The following GPT2 variants were observed in gnomAD, a reference collection of about 807,000 sequenced individuals.
The protein encoded by GPT2 is glutamic--pyruvic transaminase 2.
GPT2 carries 30 observed loss-of-function variants against 56.9 expected under a neutral mutation model. That is an observed-to-expected ratio of 0.53 (90% CI 0.39 to 0.72). GPT2 has a LOEUF of 0.72. Ranked by LOEUF, GPT2 falls within the 30% of genes least tolerant of loss-of-function variation. The pLI is 0.00. For missense variants in GPT2, 542 were observed against 703.4 expected, an observed-to-expected ratio of 0.77 and a Z score of 2.60; for synonymous variants, 271 against 283.1, an observed-to-expected ratio of 0.96 and a Z score of 0.43.
Position 46,929,057 on chromosome 16 carries a change from C to T in GPT2, c.*60C>T. 4.6e-6 allele frequency: 6 copies of T among 1,313,424 alleles called. No individual in the cohort carries two copies. The highest frequency in any genetic ancestry group is 6.6e-6 in the Non-Finnish European group (6 of 908,530). The allele number at this position is 1,313,424 out of a possible 1,614,324, so 81.4% of individuals were successfully genotyped here. Reference sequence around the variant, plus strand: ...GCTCTTCCTCCCAATGCCCGTCAGGCTGAACTCGCCTCCCCCGTGACTCTG... The same window carrying T: ...GCTCTTCCTCCCAATGCCCGTCAGGTTGAACTCGCCTCCCCCGTGACTCTG... On this transcript the variant is annotated 3_prime_UTR_variant, in exon 12 of 12. Transcript: ENST00000340124.
intron 10 of GPT2, among the ~76,000 whole-genome samples, chr16:46,925,317 G>T (rs1961384864): frequency 6.6e-6 from 1 of 152,034 alleles, no homozygotes; most frequent in African/African-American, 2.4e-5. Context: ...GGCCTCCCGG[G>T]TTCGCTCCAT....
chr16:46,900,628 TG>T, intron 3 of GPT2, 53 bp from the exon 4 acceptor site: 1 of 1,407,986 alleles, frequency 7.1e-7, no homozygotes, highest in Non-Finnish European at 1.0e-6. Flanking sequence ...GTGCTCCTCC[TG>T]GAGCTCTAGG....
chr16:46,909,382 C>T (rs1010825706), intron 5 of GPT2, among the ~76,000 whole-genome samples: 1 of 152,020 alleles, frequency 6.6e-6, no homozygotes, highest in African/African-American at 2.4e-5. Context: ...AACTCTTGGC[C>T]TCAAGCGATT....
At chr16:46,906,740 C>T in intron 4 of GPT2, 102 bp from the exon 5 acceptor site, 4 of 1,488,382 alleles carry the variant, frequency 2.7e-6, no homozygotes, top group Non-Finnish European at 2.8e-6. Flanking sequence ...CCGAGACCCT[C>T]ACCCCAAACA....
chr16:46,907,536 G>A (rs1003418320), intron 5 of GPT2, among the ~76,000 whole-genome samples: 2 of 152,208 alleles, frequency 1.3e-5, no homozygotes, highest in African/African-American at 4.8e-5. Context: ...ACTGGGAGAG[G>A]GGGTGTGCTC....
intron 9 of GPT2, 77 bp downstream of exon 9, chr16:46,922,493 C>A: frequency 2.8e-6 from 4 of 1,409,490 alleles, no homozygotes; most frequent in South Asian, 1.4e-5. Flanking sequence ...GCCAGCCTGT[C>A]TCCAGGTGGC....
Position 46,906,848 on chromosome 16 carries a change from A to G in GPT2, c.449A>G (p.Tyr150Cys), listed in dbSNP as rs764779165. ...QACGGNSLGS[Y>C]SASQGVNCIR... Reference sequence around the variant, plus strand: ...CTTGCCTGCTGTCTTACAGGGTCCTACAGTGCTAGCCAGGGTGTCAACTGC... The same window carrying G: ...CTTGCCTGCTGTCTTACAGGGTCCTGCAGTGCTAGCCAGGGTGTCAACTGC... The change falls in exon 5 of 12, where the codon TAC becomes TGC. Residue 150 changes from tyrosine (Y) to cysteine (C), a missense_variant. Tyr to Cys is a radical substitution (Grantham distance 194, BLOSUM62 -2). Transcript: ENST00000340124. The G allele has an allele frequency of 6.2e-7, 1 of 1,614,152 alleles. No individual in the cohort carries two copies. The highest frequency in any genetic ancestry group is 8.5e-7 in the Non-Finnish European group (1 of 1,180,020).
At position 46,909,826 on chromosome 16, in the gene GPT2, G is replaced by A. The variant is rs758411453; in HGVS notation, c.719G>A (p.Cys240Tyr). 1 of 1,614,082 alleles carries A rather than the reference G, an allele frequency of 6.2e-7. No individual in the cohort carries two copies. The highest frequency in any genetic ancestry group is 1.3e-5 in the African/African-American group (1 of 74,928). The stretch of plus-strand genomic sequence containing the variant: ...AATTACTACCTGGACGAGGAGAACT[G>A]CTGGGCGCTGAATGTGAATGAGCTC... The part of the protein sequence containing the change: ...QVNYYLDEEN[C>Y]WALNVNELRR... Residue 240 changes from cysteine (C) to tyrosine (Y), a missense_variant, in exon 6 of 12, where the codon TGC (cysteine) becomes TAC (tyrosine). Transcript: ENST00000340124.
intron 5 of GPT2, 136 bp from the exon 6 acceptor site, chr16:46,909,548 G>C (rs1373349072): frequency 3.1e-6 from 3 of 957,914 alleles, no homozygotes; most frequent in East Asian, 5.1e-5. Flanking sequence ...TTTTACAGAT[G>C]AGGAAACTGA....
intron 6 of GPT2, among the ~76,000 whole-genome samples, chr16:46,915,047 A>G (rs1382840007): frequency 6.6e-6 from 1 of 152,082 alleles, no homozygotes; most frequent in African/African-American, 2.4e-5. Context: ...CCTCCCAAGT[A>G]GCTGGGACTA....
At chr16:46,924,169 G>A (rs1203510177) in intron 9 of GPT2, 3 of 619,578 alleles carry the variant, frequency 4.8e-6, no homozygotes, top group Non-Finnish European at 8.9e-6. Context: ...AGTGTCGAAG[G>A]AACAGACCAC....
In GPT2 at chr16:46,922,832, A is replaced by C. The variant is rs553613803; in HGVS notation, c.1212+416A>C. 2.9e-4 allele frequency among the ~76,000 whole-genome samples: 44 copies of C among 152,332 alleles called. No individual in the cohort carries two copies. In the South Asian group the frequency reaches 7.9e-3, roughly 27 times the overall value. On this transcript the variant is annotated intron_variant, in intron 9 of 11. Coordinates refer to ENST00000340124, the MANE Select transcript of GPT2 (RefSeq NM_133443.4). Reference sequence around the variant, plus strand: ...CTTGACAGGGTCCTCCAGCTCTGACAGCTTTGACCAGTTCAAACAAAGGAA... The same window carrying C: ...CTTGACAGGGTCCTCCAGCTCTGACCGCTTTGACCAGTTCAAACAAAGGAA...
At chr16:46,911,741 T>C (rs1961050717) in intron 6 of GPT2, among the ~76,000 whole-genome samples, 1 of 152,148 alleles carries the variant, frequency 6.6e-6, no homozygotes. Context: ...TTTGCATCTC[T>C]AACAAATTCC....
At chr16:46,897,121 G>A (rs976297407) in intron 2 of GPT2, among the ~76,000 whole-genome samples, 1 of 152,166 alleles carries the variant, frequency 6.6e-6, no homozygotes, top group African/African-American at 2.4e-5. Context: ...AATGGCTCAC[G>A]CCTGTAATCC....
chr16:46,909,606 C>CA, intron 5 of GPT2, 78 bp from the exon 6 acceptor site: 1 of 1,519,690 alleles, frequency 6.6e-7, no homozygotes, highest in Non-Finnish European at 9.0e-7. Flanking sequence ...TGGAGGCATG[C>CA]AGTGGGGCCA....
At chr16:46,928,858 C>T (rs974709040) in intron 11 of GPT2, 49 bp from the exon 12 acceptor site, 1 of 1,418,246 alleles carries the variant, frequency 7.1e-7, no homozygotes, top group Non-Finnish European at 1.0e-6. Context: ...ATTCGTTCCT[C>T]TCCCATCTTG....
chr16:46,889,173 G>A (rs1046219410), intron 2 of GPT2, among the ~76,000 whole-genome samples: 6 of 150,050 alleles, frequency 4.0e-5, no homozygotes, highest in South Asian at 2.1e-4. Context: ...ACCACAAGGC[G>A]TATGCCACCA....
intron 7 of GPT2, among the ~76,000 whole-genome samples, chr16:46,918,129 G>T (rs1382550794): frequency 3.9e-5 from 6 of 152,230 alleles, no homozygotes; most frequent in African/African-American, 1.4e-4. Flanking sequence ...TGCTGCTCTG[G>T]CAGGGAAAAG....
At chr16:46,901,708 C>A (rs1283023505) in intron 4 of GPT2, among the ~76,000 whole-genome samples, 3 of 152,068 alleles carry the variant, frequency 2.0e-5, no homozygotes, top group Admixed American at 6.6e-5. Flanking sequence ...TCTCCCGCCA[C>A]CCCCGCCAAC....
Sources: gnomAD v4.1 joint callset for allele counts (sites outside exome capture counted in the v4.1 genomes callset) on GRCh38, gnomAD v4.1.1 for gene constraint, MANE v1.5 for transcripts, NCBI Gene and HGNC (gene_info 2026-07-23, HGNC 2026-07-21) for gene names.